The following DSG4 variants were observed in gnomAD, a reference collection of about 807,000 sequenced individuals.
The protein encoded by DSG4 is desmoglein-4.
A neutral mutation model predicts 93.1 loss-of-function variants in DSG4; 87 were observed. That is an observed-to-expected ratio of 0.93 (90% confidence interval 0.79 to 1.12). The LOEUF (loss-of-function observed/expected upper bound fraction) is 1.12, where lower values mean the gene tolerates loss of function less well. DSG4 is among the 50% of genes most tolerant of loss of function. The pLI is 0.00. For synonymous variants in DSG4, 432 were observed against 452.9 expected, an observed-to-expected ratio of 0.95 and a Z score of 0.59; for missense variants, 1,373 against 1,285.7, an observed-to-expected ratio of 1.07 and a Z score of -1.04.
chr18:31,390,559 CAGG>C (rs928846756), intron 5 of DSG4, 94 bp from the exon 6 acceptor site: 2 of 1,427,224 alleles, frequency 1.4e-6, no homozygotes, highest in African/African-American at 2.8e-5. Flanking sequence ...AGAGAGAATT[CAGG>C]AGAAGGCCAA....
intron 3 of DSG4, 92 bp from the exon 4 acceptor site, chr18:31,388,275 T>C (rs1218287375): frequency 1.4e-6 from 2 of 1,444,266 alleles, no homozygotes; most frequent in East Asian, 4.8e-5. Context: ...AAAGCCCATT[T>C]GGTAAAGAAA....
chr18:31,399,256 T>A lies in DSG4; in HGVS notation c.1006-16T>A, dbSNP rs756498035. ...TTCTTTGCTGTTTCAGAGTTTTTTA[T>A]TTTCTTTCATTTCAGATGCTGGATT... On this transcript the variant is annotated splice_polypyrimidine_tract_variant and intron_variant, in intron 8 of 15. Transcript: ENST00000308128. 6.2e-7 allele frequency: 1 copy of A among 1,613,756 alleles called. No individual in the cohort carries two copies. The highest frequency in any genetic ancestry group is 1.1e-5 in the South Asian group (1 of 91,040).
At chr18:31,404,970 A>G (rs1354994142) in intron 11 of DSG4, among the ~76,000 whole-genome samples, 2 of 152,222 alleles carry the variant, frequency 1.3e-5, no homozygotes. Flanking sequence ...TGATATTCCT[A>G]GAGACCTGTT....
rs1430956788 is a variant in DSG4 at position 31,400,755 on chromosome 18, CA to C, written c.1278-124del. The C allele has an allele frequency of 8.7e-6, 8 of 921,056 alleles. No homozygotes were observed. The African/African-American group carries it at 1.4e-4, about 16-fold the overall frequency. The allele number at this position is 921,056 out of a possible 1,614,324, so 57.1% of individuals were successfully genotyped here. ...TGATATATATGTACTTTTTATAAAC[CA>C]AGGCAATCATCACTATAAAACATAA... is the stretch of plus-strand genomic sequence containing the variant. On this transcript the variant is annotated intron_variant, in intron 9 of 15. Coordinates refer to ENST00000308128, the MANE Select transcript of DSG4 (RefSeq NM_177986.5).
intron 13 of DSG4, 62 bp downstream of exon 13, chr18:31,409,653 A>G: frequency 6.2e-7 from 1 of 1,613,826 alleles, no homozygotes; most frequent in Non-Finnish European, 8.5e-7. Flanking sequence ...GCATGTCTTA[A>G]CAATTACATG....
chr18:31,405,114 A>G (rs2072410207), intron 11 of DSG4, among the ~76,000 whole-genome samples: 1 of 152,234 alleles, frequency 6.6e-6, no homozygotes, highest in Non-Finnish European at 1.5e-5. Flanking sequence ...CTAACTGAGG[A>G]TAATAAACCA....
At chr18:31,377,059 TC>T in intron 1 of DSG4, 100 bp downstream of exon 1, 3 of 1,282,822 alleles carry the variant, frequency 2.3e-6, no homozygotes, top group African/African-American at 3.0e-5. Context: ...ATTTTTAATC[TC>T]CTTCCTGCAA....
chr18:31,399,676 AT>A, intron 9 of DSG4, 133 bp downstream of exon 9: 1 of 1,169,906 alleles, frequency 8.5e-7, no homozygotes, highest in Non-Finnish European at 1.2e-6. Context: ...TTAAAAGACT[AT>A]TAGAGCATTT....
At position 31,399,611 on chromosome 18, in the gene DSG4, A is replaced by G. The variant is rs1196300072; in HGVS notation, c.1277+68A>G. On this transcript the variant is annotated intron_variant, in intron 9 of 15. Coordinates refer to ENST00000308128, the MANE Select transcript of DSG4 (RefSeq NM_177986.5). ...GTTAATTCATGTAGCATGCGCTAATATATGTTGGTTGTAATACTTTTGGAG... is the reference window on the plus strand; with the variant it reads ...GTTAATTCATGTAGCATGCGCTAATGTATGTTGGTTGTAATACTTTTGGAG... 3.1e-6 allele frequency: 5 copies of G among 1,600,434 alleles called. No homozygotes were observed. The East Asian group carries it at 8.9e-5, about 29-fold the overall frequency.
rs1330225100 is a variant in DSG4, at chr18:31,403,518, A to T, written c.1520A>T (p.Asp507Val). The T allele has an allele frequency of 1.2e-6, 2 of 1,613,862 alleles. No individual in the cohort carries two copies. The highest frequency in any genetic ancestry group is 1.7e-6 in the Non-Finnish European group (2 of 1,179,930). Residue 507 changes from aspartate (D) to valine (V), a missense_variant, in exon 11 of 16, where the codon GAC becomes GTC. Coordinates refer to ENST00000308128, the MANE Select transcript of DSG4 (RefSeq NM_177986.5). ...CCTGAAAGAAGAACCATCTGCATTG[A>T]CTCTCCATCAGTCCTTATCTCTGTT... ...IFPERRTICI[D>V]SPSVLISVNE... is the part of the protein sequence containing the mutation.
At position 31,377,439 on chromosome 18, in the gene DSG4, C is replaced by T. The variant is rs145525050; in HGVS notation, c.48+480C>T. ...TTACATTGCAACTAATGATGACATA[C>T]TAAAGTCATGAGAACTTTTTCCAGT... On this transcript the variant is annotated intron_variant, in intron 1 of 15. Transcript: ENST00000308128. Among the ~76,000 whole-genome samples the T allele has an allele frequency of 2.3e-4, 35 of 152,220 alleles. 1 individual carries two copies. In the South Asian group the frequency reaches 5.6e-3, roughly 24 times the overall value.
intron 8 of DSG4, among the ~76,000 whole-genome samples, 162 bp from the exon 9 acceptor site, chr18:31,399,110 G>A (rs567239911): frequency 6.6e-6 from 1 of 152,064 alleles, no homozygotes; most frequent in South Asian, 2.1e-4. Context: ...ACATATCTAA[G>A]ATACCTAATG....
At chr18:31,411,856 G>GA (rs1369668706) in intron 15 of DSG4, among the ~76,000 whole-genome samples, 2 of 152,044 alleles carry the variant, frequency 1.3e-5, no homozygotes. Flanking sequence ...ACAGAAAAGA[G>GA]AAAATAAAAA....
In DSG4 at chr18:31,400,873, A is replaced by C; in HGVS notation, c.1278-8A>C. On this transcript the variant is annotated splice_region_variant and splice_polypyrimidine_tract_variant and intron_variant, in intron 9 of 15. Transcript: ENST00000308128. The stretch of plus-strand genomic sequence containing the variant: ...AGCATGATAACGAACTTTTTTATTT[A>C]AAAACAGATATATCATAGGGCATGA... 6.2e-7 allele frequency: 1 copy of C among 1,611,404 alleles called. No homozygotes were observed. Among genetic ancestry groups the C allele is most frequent in the Non-Finnish European group, 8.5e-7 (1 of 1,178,544 alleles).
chr18:31,392,099 A>G, intron 7 of DSG4, 56 bp from the exon 8 acceptor site: 3 of 1,532,368 alleles, frequency 2.0e-6, no homozygotes, highest in African/African-American at 1.4e-5. Context: ...ATGTGTTTTA[A>G]GTACGTTTCT....
At position 31,413,495 on chromosome 18, in the gene DSG4, G is replaced by C. The variant is rs151238705; in HGVS notation, c.3023G>C (p.Ser1008Thr). 1 of 1,613,680 alleles carries C rather than the reference G, an allele frequency of 6.2e-7. No individual in the cohort carries two copies. Among genetic ancestry groups the C allele is most frequent in the Non-Finnish European group, 8.5e-7 (1 of 1,179,896 alleles). The change falls in exon 16 of 16, where the codon AGT (serine) becomes ACT (threonine). Residue 1008 changes from serine (S) to threonine (T), a missense_variant. Transcript: ENST00000308128. ...GAAATTCAAGTGATGCAAATGATGA[G>C]TCCAGACCTTCCCATAGGCCAAACC... ...GPEIQVMQMM[S>T]PDLPIGQTVG...
At position 31,399,503 on chromosome 18, in the gene DSG4, G is replaced by A; in HGVS notation, c.1237G>A (p.Ala413Thr). The change falls in exon 9 of 16, where the codon GCC (alanine) becomes ACC (threonine). Residue 413 changes from alanine (A) to threonine (T), a missense_variant. By Grantham distance (58) the Ala-to-Thr change is moderately conservative (BLOSUM62 0). Coordinates refer to ENST00000308128, the MANE Select transcript of DSG4 (RefSeq NM_177986.5). ...LLNYVLGTYT[A>T]IDLDTGNPAT... Reference sequence around the variant, plus strand: ...GAATTATGTGCTTGGCACATATACAGCCATAGATTTGGACACAGGAAACCC... The same window carrying A: ...GAATTATGTGCTTGGCACATATACAACCATAGATTTGGACACAGGAAACCC... 1.2e-6 allele frequency: 2 copies of A among 1,614,048 alleles called. No individual in the cohort carries two copies. The highest frequency in any genetic ancestry group is 1.7e-6 in the Non-Finnish European group (2 of 1,179,934).
intron 8 of DSG4, among the ~76,000 whole-genome samples, 170 bp from the exon 9 acceptor site, chr18:31,399,102 A>G (rs1415118963): frequency 3.3e-5 from 5 of 152,226 alleles, no homozygotes; most frequent in African/African-American, 4.8e-5. Flanking sequence ...ACAGAAAAAC[A>G]TATCTAAGAT....
intron 13 of DSG4, 40 bp downstream of exon 13, chr18:31,409,631 A>G (rs2072464810): frequency 1.2e-6 from 2 of 1,614,122 alleles, no homozygotes; most frequent in African/African-American, 2.7e-5. Context: ...GTGGAGTTTC[A>G]GTGGAAATTG....
Sources: gnomAD v4.1 joint callset for allele counts (sites outside exome capture counted in the v4.1 genomes callset) on GRCh38, gnomAD v4.1.1 for gene constraint, MANE v1.5 for transcripts, NCBI Gene and HGNC (gene_info 2026-07-23, HGNC 2026-07-21) for gene names.